Variants in NHSL1 observed in about 807,000 individuals in gnomAD.
NHSL1 encodes the protein NHS-like protein 1.
Under a neutral mutation model 95.0 loss-of-function variants are expected in NHSL1, and 48 were observed. The observed-to-expected ratio is 0.51, with a 90% CI of 0.40 to 0.64. The LOEUF (loss-of-function observed/expected upper bound fraction) is 0.64. NHSL1 is among the 30% of genes least tolerant of loss of function. NHSL1 has a pLI of 0.00. For missense variants in NHSL1, 1,971 were observed against 2,077.7 expected (o/e 0.95, Z 1.00); for synonymous variants, 783 against 833.9 (o/e 0.94, Z 1.05).
chr6:138,531,493 C>T (rs1212027261), intron 1 of NHSL1, among the ~76,000 whole-genome samples: 2 of 150,856 alleles, frequency 1.3e-5, no homozygotes, highest in Non-Finnish European at 3.0e-5. Context: ...AGATCTACTT[C>T]ATTTGTCAAC....
intron 1 of NHSL1, among the ~76,000 whole-genome samples, chr6:138,497,456 C>T (rs1780422855): frequency 6.6e-6 from 1 of 152,166 alleles, no homozygotes; most frequent in South Asian, 2.1e-4. Flanking sequence ...ATAGAGTTCA[C>T]ACTGGGCGTA....
At chr6:138,569,008 A>T (rs1400059927) in intron 1 of NHSL1, among the ~76,000 whole-genome samples, 3 of 152,198 alleles carry the variant, frequency 2.0e-5, no homozygotes, top group Non-Finnish European at 4.4e-5. Flanking sequence ...CACTATCCAC[A>T]CTGATGGTAG....
chr6:138,670,698 C>CA (rs1413781730), intron 1 of NHSL1, among the ~76,000 whole-genome samples: 1 of 149,724 alleles, frequency 6.7e-6, no homozygotes, highest in Non-Finnish European at 1.5e-5. Flanking sequence ...TTTAAAAACT[C>CA]AGTCTCAGAG....
chr6:138,688,941 ATT>A (rs1198274645), intron 1 of NHSL1, among the ~76,000 whole-genome samples: 1 of 152,110 alleles, frequency 6.6e-6, no homozygotes, highest in Non-Finnish European at 1.5e-5. Flanking sequence ...GCAGTATTGT[ATT>A]TTTAGTATTG....
intron 1 of NHSL1, among the ~76,000 whole-genome samples, chr6:138,648,651 G>A (rs1193404625): frequency 6.6e-6 from 1 of 152,202 alleles, no homozygotes; most frequent in Non-Finnish European, 1.5e-5. Flanking sequence ...GATTTTATCA[G>A]TTAAAGTCTC....
At chr6:138,441,722 A>G (rs192335792) in intron 5 of NHSL1, among the ~76,000 whole-genome samples, 19 of 151,890 alleles carry the variant, frequency 1.3e-4, no homozygotes, top group Admixed American at 9.8e-4. Context: ...GAGGTTAACT[A>G]TGAATTCTAT....
chr6:138,561,634 G>C (rs1003054593), intron 1 of NHSL1, among the ~76,000 whole-genome samples: 3 of 152,184 alleles, frequency 2.0e-5, no homozygotes, highest in Non-Finnish European at 4.4e-5. Flanking sequence ...TTTATATCAA[G>C]TGTATGCAGC....
rs1279768804 is a variant in NHSL1 at position 138,432,281 on chromosome 6, G to A, written c.2064C>T (p.Ser688=). 1 of 1,551,218 alleles carries A rather than the reference G, an allele frequency of 6.4e-7. No individual in the cohort carries two copies. Among genetic ancestry groups the A allele is most frequent in the Middle Eastern group, 1.7e-4 (1 of 5,988 alleles). Residue 688 remains serine (S), a synonymous_variant, in exon 6 of 8, where the codon AGC becomes AGT. Coordinates refer to ENST00000343505, the MANE Select transcript of NHSL1 (RefSeq NM_001144060.2). This position sits in a 1 kb window ranked among gnomAD's most constrained non-coding sequence, Gnocchi z 4.4. ...TDSLRRIPKK[S]SQCNGQVLNE... ...TGAGCACCTGCCCGTTGCACTGGCT[G>A]CTCTTCTTGGGAATCCTGCGGAGGG...
At chr6:138,612,467 T>C (rs1486428314) in intron 1 of NHSL1, among the ~76,000 whole-genome samples, 1 of 152,196 alleles carries the variant, frequency 6.6e-6, no homozygotes, top group East Asian at 1.9e-4. Flanking sequence ...CAAGATATAC[T>C]ATTGTTAAAA....
intron 1 of NHSL1, among the ~76,000 whole-genome samples, chr6:138,610,560 T>TATATATATATATATATATATA (rs1554256222): frequency 9.3e-5 from 6 of 64,606 alleles, no homozygotes; most frequent in African/African-American, 4.8e-4. Context: ...TATATATATA[T>TATATATATATATATATATATA]TATATATATA....
chr6:138,532,288 T>C (rs1782167766), intron 1 of NHSL1, among the ~76,000 whole-genome samples: 1 of 152,166 alleles, frequency 6.6e-6, no homozygotes, highest in African/African-American at 2.4e-5. Flanking sequence ...CTATGTCATG[T>C]TAGGGAATTT....
At chr6:138,671,450 CAAA>C (rs549060407) in intron 1 of NHSL1, among the ~76,000 whole-genome samples, 6 of 106,216 alleles carry the variant, frequency 5.6e-5, no homozygotes, top group Admixed American at 1.9e-4. Flanking sequence ...AATCTGTCTC[CAAA>C]AAAAAAAAAA....
At chr6:138,664,901 A>G (rs1785275059) in intron 1 of NHSL1, among the ~76,000 whole-genome samples, 1 of 152,190 alleles carries the variant, frequency 6.6e-6, no homozygotes, top group African/African-American at 2.4e-5. Context: ...GGGGAAACTT[A>G]GCTTTTTATC....
chr6:138,495,544 T>C (rs1440965336), intron 2 of NHSL1, among the ~76,000 whole-genome samples: 1 of 152,214 alleles, frequency 6.6e-6, no homozygotes, highest in Non-Finnish European at 1.5e-5. Flanking sequence ...AAAAAGACAG[T>C]GGCAAAACTG....
At chr6:138,436,405 C>T (rs533989942) in intron 5 of NHSL1, among the ~76,000 whole-genome samples, 2 of 152,200 alleles carry the variant, frequency 1.3e-5, no homozygotes, top group Non-Finnish European at 1.5e-5. Context: ...TCCCCTTAAG[C>T]CAAAGCCTAA....
rs577784522 is a variant in NHSL1 at position 138,432,497 on chromosome 6, T to C, written c.1848A>G (p.Gly616=). ...GYCASVHTDS[G]HGSGNLCNSS... Reference sequence around the variant, plus strand: ...TATTGCACAGATTCCCAGATCCATGTCCAGAGTCAGTGTGCACAGATGCAC... The same window carrying C: ...TATTGCACAGATTCCCAGATCCATGCCCAGAGTCAGTGTGCACAGATGCAC... Residue 616 remains glycine, a synonymous_variant, in exon 6 of 8, where the codon GGA becomes GGG. Transcript: ENST00000343505. The surrounding 1 kb of genome is among the most constrained non-coding windows in gnomAD (Gnocchi z 4.4). The C allele has an allele frequency of 6.4e-7, 1 of 1,552,230 alleles. No homozygotes were observed. Among genetic ancestry groups the C allele is most frequent in the Admixed American group, 2.0e-5 (1 of 51,010 alleles).
intron 2 of NHSL1, among the ~76,000 whole-genome samples, chr6:138,493,749 T>A (rs1780203213): frequency 6.6e-6 from 1 of 152,200 alleles, no homozygotes; most frequent in South Asian, 2.1e-4. Flanking sequence ...AAGTTCCTGG[T>A]CACAATTTAC....
chr6:138,515,789 G>A (rs1175915340), intron 1 of NHSL1, among the ~76,000 whole-genome samples: 2 of 152,224 alleles, frequency 1.3e-5, no homozygotes, highest in African/African-American at 4.8e-5. Context: ...CAGGTGACAT[G>A]TGAGCTAGGC....
At chr6:138,631,446 G>C (rs527492670) in intron 1 of NHSL1, among the ~76,000 whole-genome samples, 1 of 152,270 alleles carries the variant, frequency 6.6e-6, no homozygotes, top group South Asian at 2.1e-4. Flanking sequence ...GGATCCAAAA[G>C]AGACCCCTTC....
Sources: gnomAD v4.1 joint callset for allele counts (sites outside exome capture counted in the v4.1 genomes callset) on GRCh38, gnomAD v4.1.1 for gene constraint, Gnocchi (gnomAD v3.1) non-coding constraint, MANE v1.5 for transcripts, NCBI Gene and HGNC (gene_info 2026-07-23, HGNC 2026-07-21) for gene names.